The following ZNF75D variants were observed in gnomAD, a reference collection of about 807,000 sequenced individuals.
ZNF75D encodes the protein zinc finger protein 75.
In ZNF75D, 33 loss-of-function variants were observed where a neutral mutation model predicts 33.3. The ratio of observed to expected loss-of-function variants is 0.99; its 90% CI spans 0.75 to 1.32. The LOEUF (loss-of-function observed/expected upper bound fraction) is 1.32. Ranked by LOEUF, ZNF75D falls within the 40% of genes most tolerant of loss-of-function variation. The probability of loss-of-function intolerance (pLI) is 0.00; values close to 1 mark genes in which losing one functional copy is unlikely to be tolerated. For missense variants in ZNF75D, 338 were observed against 367.5 expected (o/e 0.92, Z 0.66); for synonymous variants, 113 against 130.6 (o/e 0.87, Z 0.92).
chrX:135,274,070 T>C (rs1359932579), intron 1 of ZNF75D, among the ~76,000 whole-genome samples: 1 of 111,895 alleles, frequency 8.9e-6, no homozygotes, highest in African/African-American at 3.2e-5. Flanking sequence ...GTAAAACCAG[T>C]GAGCTTGTAT....
chrX:135,328,097 G>A (rs1393768884), intron 1 of ZNF75D, among the ~76,000 whole-genome samples: 1 of 111,878 alleles, frequency 8.9e-6, no homozygotes, highest in African/African-American at 3.3e-5. Flanking sequence ...TAATGGTGGG[G>A]ACAGAGCTTT....
intron 1 of ZNF75D, among the ~76,000 whole-genome samples, chrX:135,276,926 A>G (rs1463211221): frequency 8.9e-6 from 1 of 111,974 alleles, no homozygotes; most frequent in East Asian, 2.8e-4. Flanking sequence ...AGTCTTTGCT[A>G]TTGTGAACAG....
At chrX:135,312,660 C>CTT (rs1215909520) in intron 1 of ZNF75D, among the ~76,000 whole-genome samples, 2 of 98,751 alleles carry the variant, frequency 2.0e-5, no homozygotes, top group Non-Finnish European at 4.1e-5. Context: ...GCATCTGTGA[C>CTT]TTTTTTTTTT....
intron 1 of ZNF75D, among the ~76,000 whole-genome samples, chrX:135,267,554 G>T (rs782047598): frequency 1.4e-4 from 15 of 111,042 alleles, no homozygotes; most frequent in Non-Finnish European, 2.5e-4. Context: ...AACCTACAAA[G>T]ATTAAACAAG....
At chrX:135,329,453 A>G (rs1249794800) in intron 1 of ZNF75D, among the ~76,000 whole-genome samples, 1 of 111,113 alleles carries the variant, frequency 9.0e-6, no homozygotes, top group East Asian at 2.8e-4. Context: ...AATTTTTTGT[A>G]TTTTAGTAGA....
downstream of ZNF75D, among the ~76,000 whole-genome samples, chrX:135,285,517 A>C (rs1368488553): frequency 8.9e-6 from 1 of 112,424 alleles, no homozygotes; most frequent in African/African-American, 3.2e-5. Flanking sequence ...AGAATGCTTA[A>C]AAGCTGGGCA....
chrX:135,306,288 TACACACACACACACACACACACACAC>T (rs57049630), intron 1 of ZNF75D, among the ~76,000 whole-genome samples: 11 of 83,244 alleles, frequency 1.3e-4, no homozygotes, highest in African/African-American at 4.7e-4. Context: ...CAGAGATACA[TACACACACACACACACACACACACAC>T]ACACACACAC....
chrX:135,279,840 T>C (rs111715563), intron 1 of ZNF75D, among the ~76,000 whole-genome samples: 3 of 112,359 alleles, frequency 2.7e-5, no homozygotes, highest in African/African-American at 9.7e-5. Flanking sequence ...GATTGCACTG[T>C]GGTCTGAGAG....
intron 1 of ZNF75D, among the ~76,000 whole-genome samples, chrX:135,331,700 T>C (rs2084653343): frequency 9.0e-6 from 1 of 111,718 alleles, no homozygotes; most frequent in Admixed American, 9.5e-5. Context: ...CCAAATTCTC[T>C]GGGTCCTCAC....
chrX:135,280,897 C>T (rs1182441402), downstream of ZNF75D, among the ~76,000 whole-genome samples: 3 of 111,954 alleles, frequency 2.7e-5, no homozygotes, highest in Non-Finnish European at 5.6e-5. Context: ...GTAGTCCGAC[C>T]TTTCTCTCTG....
At chrX:135,292,950 A>G (rs1227292826) in intron 3 of ZNF75D, among the ~76,000 whole-genome samples, 2 of 112,798 alleles carry the variant, frequency 1.8e-5, no homozygotes, top group Non-Finnish European at 3.8e-5. Flanking sequence ...AGATGGATGG[A>G]AGAATAAATG....
chrX:135,301,162 G>A (rs2084213380), intron 1 of ZNF75D, among the ~76,000 whole-genome samples: 1 of 111,521 alleles, frequency 9.0e-6, no homozygotes, highest in Non-Finnish European at 1.9e-5. Flanking sequence ...TTATAAAACT[G>A]TCAGATCTCA....
At position 135,294,021 on chromosome X, in the gene ZNF75D, T is replaced by C. The variant is rs781792850; in HGVS notation, c.120A>G (p.Ile40Met). 1 of 1,210,511 alleles carries C rather than the reference T, an allele frequency of 8.3e-7. No individual in the cohort carries two copies. Among genetic ancestry groups the C allele is most frequent in the East Asian group, 3.0e-5 (1 of 33,773 alleles). The change falls in exon 3 of 7, where the codon ATA (isoleucine) becomes ATG (methionine). Residue 40 changes from isoleucine (I) to methionine (M), a missense_variant. Ile to Met is a conservative substitution (Grantham distance 10). This residue lies in a region of ZNF75D where 254 missense variants were observed against 267.7 expected (regional missense o/e 0.95). Coordinates refer to ENST00000370766, the MANE Select transcript of ZNF75D (RefSeq NM_007131.5). Reference sequence around the variant, plus strand: ...AAGCGCTCTCAGGACCAAGATTCTCTATTTTTGTGCTGTATTTCTTACTCT... The same window carrying C: ...AAGCGCTCTCAGGACCAAGATTCTCCATTTTTGTGCTGTATTTCTTACTCT... The part of the protein sequence containing the change: ...SSQSKKYSTK[I>M]ENLGPESACR...
At position 135,341,751 on chromosome X, in the gene ZNF75D, A is replaced by G. The variant is rs1361095651; in HGVS notation, c.-391+17T>C. 1 of 112,297 alleles carries G rather than the reference A, an allele frequency of 8.9e-6. No homozygotes were observed. Among genetic ancestry groups the G allele is most frequent in the African/African-American group, 3.2e-5 (1 of 30,826 alleles). The allele number at this position is 112,297 out of a possible 1,213,427, so 9.3% of individuals were successfully genotyped here. ...CATCAGTGACTTCAAATATGCAGAC[A>G]TCCCCATTTAACTCACCTGTTTGGC... On this transcript the variant is annotated intron_variant, in intron 1 of 6. Transcript: ENST00000370766.
Position 135,334,726 on chromosome X carries a change from G to A in ZNF75D, c.-391+7042C>T, listed in dbSNP as rs146694326. 9.7e-3 allele frequency among the ~76,000 whole-genome samples: 1,085 copies of A among 111,640 alleles called. 6 individuals are homozygous for A. Among genetic ancestry groups the A allele is most frequent in the Non-Finnish European group, 0.015 (820 of 53,021 alleles). On this transcript the variant is annotated intron_variant, in intron 1 of 6. Transcript: ENST00000370766. Reference sequence around the variant, plus strand: ...GTATGGAGGGGCCTGTGCTCTAGGCGATGATCATAACACACAGCTGCATGA... The same window carrying A: ...GTATGGAGGGGCCTGTGCTCTAGGCAATGATCATAACACACAGCTGCATGA...
chrX:135,316,531 T>C, intron 1 of ZNF75D, among the ~76,000 whole-genome samples: 1 of 111,827 alleles, frequency 8.9e-6, no homozygotes, highest in Admixed American at 9.5e-5. Context: ...TATGTGAATG[T>C]CCAAACCTCT....
intron 1 of ZNF75D, among the ~76,000 whole-genome samples, chrX:135,266,294 G>A (rs2083862842): frequency 8.9e-6 from 1 of 111,775 alleles, no homozygotes; most frequent in Admixed American, 9.5e-5. Flanking sequence ...AACAATGAAT[G>A]TAAATTGGCT....
At chrX:135,282,951 C>A (rs1460932611), downstream of ZNF75D, among the ~76,000 whole-genome samples, 1 of 111,875 alleles carries the variant, frequency 8.9e-6, no homozygotes, top group Admixed American at 9.4e-5. Context: ...TACCAGCCAC[C>A]AAAATCATAC....
At chrX:135,315,896 T>C (rs2084414848) in intron 1 of ZNF75D, among the ~76,000 whole-genome samples, 1 of 111,856 alleles carries the variant, frequency 8.9e-6, no homozygotes, top group Admixed American at 9.5e-5. Flanking sequence ...GTCCATATTT[T>C]TAAGTGGAGA....
Sources: allele counts gnomAD v4.1 joint callset (sites outside exome capture counted in the v4.1 genomes callset), GRCh38; gene constraint gnomAD v4.1.1; regional missense constraint gnomAD v4.1.1; transcripts MANE v1.5; gene names NCBI Gene and HGNC (gene_info 2026-07-23, HGNC 2026-07-21).